Variants in TFDP1 observed in about 807,000 individuals in gnomAD.
TFDP1 encodes the protein DRTF1-polypeptide 1.
A neutral mutation model predicts 48.0 loss-of-function variants in TFDP1; 6 were observed. The observed-to-expected ratio is 0.13, with a 90% CI of 0.07 to 0.25. The LOEUF is 0.25. Ranked by LOEUF, TFDP1 falls within the 10% of genes least tolerant of loss-of-function variation. The pLI, the probability that TFDP1 is intolerant of heterozygous loss-of-function variation, is 1.00. For synonymous variants in TFDP1, 201 were observed against 211.6 expected, an observed-to-expected ratio of 0.95 and a Z score of 0.44; for missense variants, 335 against 543.0, an observed-to-expected ratio of 0.62 and a Z score of 3.81.
intron 4 of TFDP1, 124 bp from the exon 5 acceptor site, chr13:113,631,499 T>C: frequency 7.7e-7 from 1 of 1,290,482 alleles, no homozygotes; most frequent in Non-Finnish European, 1.0e-6. Context: ...TCCTGCTCCG[T>C]CATGGCTGCT....
intron 3 of TFDP1, among the ~76,000 whole-genome samples, chr13:113,619,247 C>T (rs1021845269): frequency 7.2e-5 from 11 of 152,066 alleles, no homozygotes; most frequent in African/African-American, 2.7e-4. Flanking sequence ...CCGAGGCAGG[C>T]GGATCACCAG....
chr13:113,623,085 C>G lies in TFDP1; in HGVS notation c.80-95C>G. The G allele has an allele frequency of 9.1e-7, 1 of 1,099,596 alleles. No homozygotes were observed. Among genetic ancestry groups the G allele is most frequent in the South Asian group, 1.4e-5 (1 of 70,424 alleles). The allele number at this position is 1,099,596 out of a possible 1,614,324, so 68.1% of individuals were successfully genotyped here. A position where few individuals can be genotyped will look rare whatever the true frequency, so the allele number is the denominator to read the frequency against. ...TACACGTGGGGAAAGCTAAGCATCT[C>G]TAATTGCAAGCACCGTCTTGCATTT... On this transcript the variant is annotated intron_variant, in intron 3 of 11. Transcript: ENST00000375370. This position sits in a 1 kb window ranked among gnomAD's most constrained non-coding sequence, Gnocchi z 5.2.
intron 2 of TFDP1, among the ~76,000 whole-genome samples, chr13:113,605,680 T>C (rs2140363261): frequency 6.6e-6 from 1 of 152,338 alleles, no homozygotes; most frequent in Admixed American, 6.5e-5. Flanking sequence ...CGCTTGAGTA[T>C]CCTCACACCG....
intron 4 of TFDP1, among the ~76,000 whole-genome samples, chr13:113,625,161 TCTCAGGTGTCTCTCACGTGTC>T (rs1268625986): frequency 7.9e-6 from 1 of 126,336 alleles, no homozygotes; most frequent in Non-Finnish European, 1.6e-5. Flanking sequence ...CTCAGGTGTC[TCTCAGGTGTCTCTCACGTGTC>T]CTCAGGTGTC....
intron 2 of TFDP1, among the ~76,000 whole-genome samples, chr13:113,594,722 C>T (rs1205760374): frequency 6.6e-6 from 1 of 152,242 alleles, no homozygotes; most frequent in East Asian, 1.9e-4. Flanking sequence ...GTGCTGGTTG[C>T]TGCACCAGCG....
In TFDP1 at chr13:113,598,115, C is replaced by T. The variant is rs1337358543; in HGVS notation, c.12+12266C>T. On this transcript the variant is annotated intron_variant, in intron 2 of 11. Coordinates refer to ENST00000375370, the MANE Select transcript of TFDP1 (RefSeq NM_007111.5). The surrounding 1 kb of genome is among the most constrained non-coding windows in gnomAD (Gnocchi z 4.2). ...CAGAATCCAACTGTGTTGGGAGCCA[C>T]TTGCTGGTGCCTGGCCAAGTTCCCG... Among the ~76,000 whole-genome samples, 2 of 152,168 alleles carry T rather than the reference C, an allele frequency of 1.3e-5. No individual in the cohort carries two copies. Among genetic ancestry groups the T allele is most frequent in the Non-Finnish European group, 2.9e-5 (2 of 68,036 alleles).
At chr13:113,600,750 G>A (rs1410823379) in intron 2 of TFDP1, among the ~76,000 whole-genome samples, 1 of 148,650 alleles carries the variant, frequency 6.7e-6, no homozygotes, top group East Asian at 2.4e-4. Flanking sequence ...CTCACGTAGG[G>A]CTCCAGGACC....
rs144432965 is a variant in TFDP1, at chr13:113,611,055, C to G, written c.72C>G (p.Pro24=). 38 of 1,613,974 alleles carry G rather than the reference C, an allele frequency of 2.4e-5. No homozygotes were observed. Among genetic ancestry groups the G allele is most frequent in the Non-Finnish European group, 3.2e-5 (38 of 1,179,862 alleles). The change falls in exon 3 of 12, where the codon CCC becomes CCG. Residue 24 remains proline (P), a synonymous_variant. Transcript: ENST00000375370. ...TCTTCATAGACCAGAACCTTAGTCC[C>G]GGGAAAGGTAAGGGCACCTGTTCTG... ...LKVFIDQNLS[P]GKGVVSLVAV... is the part of the protein sequence containing the mutation.
chr13:113,587,051 T>TTGTGTGGTATCC (rs2048023465), intron 2 of TFDP1, among the ~76,000 whole-genome samples: 1 of 152,136 alleles, frequency 6.6e-6, no homozygotes, highest in South Asian at 2.1e-4. Context: ...GCTTCTGGTG[T>TTGTGTGGTATCC]TGTGTGGTTT....
intron 3 of TFDP1, 32 bp downstream of exon 3, chr13:113,611,094 G>A: frequency 1.3e-6 from 2 of 1,565,738 alleles, no homozygotes; most frequent in South Asian, 2.2e-5. Flanking sequence ...ACACTCTTGT[G>A]TTGATGAATG....
In TFDP1 at chr13:113,608,763, C is replaced by G. The variant is rs1482349349; in HGVS notation, c.13-2233C>G. Among the ~76,000 whole-genome samples the G allele has an allele frequency of 3.9e-5, 6 of 152,360 alleles. No individual in the cohort carries two copies. The South Asian group carries it at 1.2e-3, about 32-fold the overall frequency. ...TTGGTCATAGTCACCTGACCTTAAC[C>G]TACTTTGCTGTAGTGTCTTGGCCTT... On this transcript the variant is annotated intron_variant, in intron 2 of 11. Transcript: ENST00000375370.
chr13:113,587,964 C>T (rs2048046489), intron 2 of TFDP1, among the ~76,000 whole-genome samples: 1 of 152,116 alleles, frequency 6.6e-6, no homozygotes, highest in African/African-American at 2.4e-5. Flanking sequence ...TCAAGCAGTT[C>T]TTCTCCTCAG....
intron 2 of TFDP1, among the ~76,000 whole-genome samples, chr13:113,596,156 T>A (rs1440606807): frequency 1.3e-5 from 2 of 152,244 alleles, no homozygotes; most frequent in Non-Finnish European, 2.9e-5. Flanking sequence ...CTTTTGCCTT[T>A]AAGAAAAATC....
chr13:113,593,727 C>T (rs1363311336), intron 2 of TFDP1, among the ~76,000 whole-genome samples: 11 of 128,812 alleles, frequency 8.5e-5, no homozygotes, highest in South Asian at 2.6e-4. Context: ...CTCAGCCCTG[C>T]CCAGGTGATA....
chr13:113,605,671 G>A lies in TFDP1; in HGVS notation c.13-5325G>A, dbSNP rs576808734. On this transcript the variant is annotated intron_variant, in intron 2 of 11. Transcript: ENST00000375370. ...TCAGCACCAGGACCACCTCAGGGCC[G>A]CTTGAGTATCCTCACACCGTGGCAC... 5.9e-5 allele frequency among the ~76,000 whole-genome samples: 9 copies of A among 152,348 alleles called. No homozygotes were observed. The South Asian group carries it at 1.0e-3, about 18-fold the overall frequency.
chr13:113,636,269 G>A (rs771939856), intron 9 of TFDP1, 141 bp downstream of exon 9: 340 of 1,236,544 alleles, frequency 2.7e-4, no homozygotes, highest in Non-Finnish European at 3.5e-4. Context: ...TTGGGGGGTG[G>A]TGGGAGGCTG....
rs4150821 is a variant in TFDP1 at position 113,639,474 on chromosome 13, G to T, written c.1086-646G>T. Among the ~76,000 whole-genome samples the T allele has an allele frequency of 6.5e-3, 993 of 152,270 alleles. 14 individuals carry two copies. Among genetic ancestry groups the T allele is most frequent in the Non-Finnish European group, 8.6e-3 (586 of 68,028 alleles). ...GAGCAGCTTTACAGCTGAATTTCTC[G>T]CCATTTCTGACTTGTTTCCAAGATA... On this transcript the variant is annotated intron_variant, in intron 11 of 11. Coordinates refer to ENST00000375370, the MANE Select transcript of TFDP1 (RefSeq NM_007111.5).
intron 9 of TFDP1, 58 bp downstream of exon 9, chr13:113,636,186 C>T (rs1566678333): frequency 1.3e-6 from 2 of 1,585,220 alleles, no homozygotes; most frequent in East Asian, 2.2e-5. Flanking sequence ...AGGGAGCCGA[C>T]CCTGTTGGTA....
At chr13:113,622,277 G>A (rs571674582) in intron 3 of TFDP1, among the ~76,000 whole-genome samples, 7 of 152,312 alleles carry the variant, frequency 4.6e-5, no homozygotes, top group African/African-American at 1.7e-4. Flanking sequence ...TTTGTCTTGT[G>A]TCTTTACTTC....
Sources: allele counts gnomAD v4.1 joint callset (sites outside exome capture counted in the v4.1 genomes callset), GRCh38; gene constraint gnomAD v4.1.1; non-coding constraint Gnocchi (gnomAD v3.1); transcripts MANE v1.5; gene names NCBI Gene and HGNC (gene_info 2026-07-23, HGNC 2026-07-21).